CHPT1: variants seen among roughly 807,000 people sequenced by gnomAD.
CHPT1 encodes the protein choline phosphotransferase 1.
A neutral mutation model predicts 47.6 loss-of-function variants in CHPT1; 36 were observed. The observed-to-expected ratio is 0.76, with a 90% CI of 0.58 to 1.00. CHPT1 has a LOEUF of 1.00. Among genes scored for constraint, CHPT1 ranks in the 50% least tolerant of loss-of-function variants. The pLI is 0.00. For missense variants in CHPT1, 458 were observed against 498.1 expected, an observed-to-expected ratio of 0.92 and a Z score of 0.77; for synonymous variants, 194 against 186.3, an observed-to-expected ratio of 1.04 and a Z score of -0.33.
At chr12:101,710,215 G>A (rs561074300) in intron 1 of CHPT1, among the ~76,000 whole-genome samples, 10 of 148,508 alleles carry the variant, frequency 6.7e-5, no homozygotes, top group Admixed American at 4.1e-4. Flanking sequence ...GTGTGGTGGC[G>A]TGCGCCTGTA....
Position 101,723,282 on chromosome 12 carries a change from C to T in CHPT1, c.895C>T (p.Leu299=), listed in dbSNP as rs1156896773. 6.2e-7 allele frequency: 1 copy of T among 1,610,972 alleles called. No individual in the cohort carries two copies. The highest frequency in any genetic ancestry group is 2.2e-5 in the East Asian group (1 of 44,734). Residue 299 remains leucine, a synonymous_variant, in exon 6 of 9, where the codon CTA becomes TTA. Coordinates refer to ENST00000229266, the MANE Select transcript of CHPT1 (RefSeq NM_020244.3). The part of the protein sequence containing the change: ...VFEKHPCLYI[L]MFGCVFAKVS... ...TGAAAAGCATCCTTGTCTTTATATCCTAATGTTTGGATGTGTCTTTGCTAA... is the reference window on the plus strand; with the variant it reads ...TGAAAAGCATCCTTGTCTTTATATCTTAATGTTTGGATGTGTCTTTGCTAA...
At chr12:101,722,819 C>G (rs910095881) in intron 5 of CHPT1, among the ~76,000 whole-genome samples, 2 of 151,932 alleles carry the variant, frequency 1.3e-5, no homozygotes, top group African/African-American at 4.8e-5. Flanking sequence ...AGAATAAGCT[C>G]TATTTCAGTA....
At chr12:101,721,438 TA>T (rs958607506) in intron 5 of CHPT1, among the ~76,000 whole-genome samples, 16 of 151,996 alleles carry the variant, frequency 1.1e-4, no homozygotes, top group South Asian at 2.1e-4. Flanking sequence ...GCATTTTTAG[TA>T]AAAAAAAGTC....
At chr12:101,706,809 TCTTTA>T (rs148117502) in intron 1 of CHPT1, among the ~76,000 whole-genome samples, 4,230 of 152,334 alleles carry the variant, frequency 0.028, 69 homozygotes, top group African/African-American at 0.04. Flanking sequence ...TTAAATTAGA[TCTTTA>T]CTTTCATTAA....
chr12:101,716,914 A>G, intron 4 of CHPT1, 102 bp downstream of exon 4: 1 of 556,456 alleles, frequency 1.8e-6, no homozygotes, highest in Non-Finnish European at 2.9e-6. Context: ...ATTGTATTTA[A>G]TTTTTTTTTT....
chr12:101,725,354 G>T (rs1177630393), intron 7 of CHPT1, among the ~76,000 whole-genome samples: 2 of 151,756 alleles, frequency 1.3e-5, no homozygotes, highest in South Asian at 2.1e-4. Flanking sequence ...CTTTAATTTG[G>T]TATCCACTAT....
Position 101,714,090 on chromosome 12 carries a change from G to A in CHPT1, c.274G>A (p.Ala92Thr). 1 of 1,579,788 alleles carries A rather than the reference G, an allele frequency of 6.3e-7. No individual in the cohort carries two copies. Among genetic ancestry groups the A allele is most frequent in the South Asian group, 1.2e-5 (1 of 86,088 alleles). The change falls in exon 2 of 9, where the codon GCA becomes ACA. Residue 92 changes from alanine (A) to threonine (T), a missense_variant and splice_region_variant. Coordinates refer to ENST00000229266, the MANE Select transcript of CHPT1 (RefSeq NM_020244.3). ...TTTATTTTATTTACATTTTTTATAG[G>A]CACCATACTGGACATACCTTTTATG... ...ISYCPTATEE[A>T]PYWTYLLCAL...
At chr12:101,714,700 A>C in intron 3 of CHPT1, 55 bp downstream of exon 3, 1 of 1,520,642 alleles carries the variant, frequency 6.6e-7, no homozygotes. Context: ...TCATTTGCAC[A>C]ATCTGTTATG....
chr12:101,726,070 T>G (rs1409337405), intron 7 of CHPT1, among the ~76,000 whole-genome samples: 1 of 152,116 alleles, frequency 6.6e-6, no homozygotes, highest in South Asian at 2.1e-4. Flanking sequence ...TTTAGTCGTC[T>G]TTTTTACCTC....
chr12:101,719,490 T>C (rs764704345), intron 4 of CHPT1: 1 of 1,252,068 alleles, frequency 8.0e-7, no homozygotes, highest in South Asian at 1.2e-5. Flanking sequence ...CCTTTGGAAG[T>C]TTTCTTGAAC....
At chr12:101,704,320 C>T (rs1393040201) in intron 1 of CHPT1, among the ~76,000 whole-genome samples, 1 of 150,862 alleles carries the variant, frequency 6.6e-6, no homozygotes, top group African/African-American at 2.4e-5. Flanking sequence ...TTCTTTATGT[C>T]AACTTTAAAT....
intron 1 of CHPT1, among the ~76,000 whole-genome samples, chr12:101,707,415 C>T (rs1423006002): frequency 2.0e-5 from 3 of 152,216 alleles, no homozygotes; most frequent in African/African-American, 7.2e-5. Context: ...TGTTCCTAAA[C>T]TCATGTGCTC....
Position 101,714,655 on chromosome 12 carries a change from C to A in CHPT1, c.563+10C>A. On this transcript the variant is annotated intron_variant, in intron 3 of 8. Transcript: ENST00000229266. Reference sequence around the variant, plus strand: ...TGTTGAGATTTGGAAAGTAAGTATGCTTTTTAAGTTGTACATTAAAAAATA... The same window carrying A: ...TGTTGAGATTTGGAAAGTAAGTATGATTTTTAAGTTGTACATTAAAAAATA... 6.3e-7 allele frequency: 1 copy of A among 1,591,718 alleles called. No homozygotes were observed. The highest frequency in any genetic ancestry group is 1.2e-5 in the South Asian group (1 of 86,718).
chr12:101,723,760 C>T lies in CHPT1; in HGVS notation c.978C>T (p.Asp326=). The change falls in exon 7 of 9, where the codon GAC becomes GAT. Residue 326 remains aspartate (D), a synonymous_variant. Coordinates refer to ENST00000229266, the MANE Select transcript of CHPT1 (RefSeq NM_020244.3). ...HMTKSELYLQ[D]TVFLGPGLLF... The stretch of plus-strand genomic sequence containing the variant: ...CCAAAAGTGAACTATATCTTCAAGA[C>T]ACTGTCTTTTTGGGGCCAGGTCTTT... The T allele has an allele frequency of 6.3e-7, 1 of 1,592,586 alleles. No homozygotes were observed. The highest frequency in any genetic ancestry group is 8.6e-7 in the Non-Finnish European group (1 of 1,165,128).
chr12:101,698,251 C>A, intron 1 of CHPT1, 117 bp downstream of exon 1: 1 of 1,324,138 alleles, frequency 7.6e-7, no homozygotes, highest in Non-Finnish European at 9.6e-7. Context: ...CCCGGAGGGG[C>A]GGACTGGCCA....
intron 4 of CHPT1, 91 bp downstream of exon 4, chr12:101,716,903 C>T: frequency 4.0e-6 from 3 of 746,208 alleles, no homozygotes; most frequent in Admixed American, 3.7e-5. Flanking sequence ...AAATCCTTGG[C>T]ATTGTATTTA....
chr12:101,720,315 A>T, intron 5 of CHPT1, 61 bp downstream of exon 5: 2 of 1,406,496 alleles, frequency 1.4e-6, no homozygotes, highest in Non-Finnish European at 2.0e-6. Flanking sequence ...ATCACCAGTT[A>T]TAAAAAGATT....
At chr12:101,702,709 C>G (rs1395548667) in intron 1 of CHPT1, among the ~76,000 whole-genome samples, 2 of 151,752 alleles carry the variant, frequency 1.3e-5, no homozygotes, top group African/African-American at 4.8e-5. Flanking sequence ...TCTTTTACTC[C>G]CACTTTTTTT....
Position 101,723,776 on chromosome 12 carries a change from C to T in CHPT1, c.994C>T (p.Pro332Ser). 6.3e-7 allele frequency: 1 copy of T among 1,588,304 alleles called. No individual in the cohort carries two copies. The highest frequency in any genetic ancestry group is 1.7e-5 in the Admixed American group (1 of 58,946). ...LYLQDTVFLG[P>S]GLLFLDQYFN... ...TCTTCAAGACACTGTCTTTTTGGGG[C>T]CAGGTCTTTTGTTTTTAGACCAGTA... Residue 332 changes from proline (P) to serine (S), a missense_variant, in exon 7 of 9, where the codon CCA becomes TCA. Pro to Ser is a moderately conservative substitution (Grantham distance 74, BLOSUM62 -1). Transcript: ENST00000229266.
Sources: gnomAD v4.1 joint callset for allele counts (sites outside exome capture counted in the v4.1 genomes callset) on GRCh38, gnomAD v4.1.1 for gene constraint, MANE v1.5 for transcripts, NCBI Gene and HGNC (gene_info 2026-07-23, HGNC 2026-07-21) for gene names.